Variants in SPIDR observed in about 807,000 individuals in gnomAD.
The protein encoded by SPIDR is scaffold protein involved in DNA repair.
A neutral mutation model predicts 104.6 loss-of-function variants in SPIDR; 93 were observed. The ratio of observed to expected loss-of-function variants is 0.89; its 90% confidence interval spans 0.75 to 1.06. SPIDR has a LOEUF of 1.06. Ranked by LOEUF, SPIDR falls within the 50% of genes least tolerant of loss-of-function variation. The probability of loss-of-function intolerance (pLI) is 0.00; values close to 1 mark genes in which losing one functional copy is unlikely to be tolerated. For synonymous variants in SPIDR, 431 were observed against 416.9 expected, an observed-to-expected ratio of 1.03 and a Z score of -0.41; for missense variants, 1,154 against 1,111.2, an observed-to-expected ratio of 1.04 and a Z score of -0.55.
At chr8:47,617,709 CA>C (rs895228370) in intron 10 of SPIDR, among the ~76,000 whole-genome samples, 2 of 152,080 alleles carry the variant, frequency 1.3e-5, no homozygotes, top group Non-Finnish European at 2.9e-5. Flanking sequence ...GTGGCATGTA[CA>C]AAAGAGAGAA....
chr8:47,548,825 T>C (rs192119835), intron 8 of SPIDR, among the ~76,000 whole-genome samples: 154 of 152,286 alleles, frequency 1.0e-3, no homozygotes, highest in South Asian at 6.9e-3. Flanking sequence ...AACGTGCAGG[T>C]TTGTTATATA....
intron 10 of SPIDR, among the ~76,000 whole-genome samples, chr8:47,624,036 C>T (rs2065588788): frequency 6.6e-6 from 1 of 152,196 alleles, no homozygotes; most frequent in Non-Finnish European, 1.5e-5. Context: ...AACAAACTGT[C>T]TCTCAGACCA....
chr8:47,595,245 T>G (rs1186951601), intron 8 of SPIDR, among the ~76,000 whole-genome samples: 1 of 152,226 alleles, frequency 6.6e-6, no homozygotes, highest in Admixed American at 6.5e-5. Flanking sequence ...CGCCATGTTT[T>G]AAGGAATAGG....
intron 5 of SPIDR, among the ~76,000 whole-genome samples, chr8:47,319,423 G>A (rs901559209): frequency 2.0e-5 from 3 of 152,050 alleles, no homozygotes; most frequent in Admixed American, 1.3e-4. Context: ...CACCCAATAC[G>A]GGAGCACCCA....
At chr8:47,668,257 T>G (rs2075266289) in intron 10 of SPIDR, among the ~76,000 whole-genome samples, 1 of 152,078 alleles carries the variant, frequency 6.6e-6, no homozygotes, top group Non-Finnish European at 1.5e-5. Context: ...AAAATAAAAT[T>G]AAAGACCAAT....
chr8:47,459,254 A>G (rs1376257416), intron 8 of SPIDR, among the ~76,000 whole-genome samples: 2 of 152,050 alleles, frequency 1.3e-5, no homozygotes, highest in Non-Finnish European at 2.9e-5. Context: ...TCAGCTGTGA[A>G]TCTGTCTGGT....
At chr8:47,400,680 T>TC (rs2061762189) in intron 6 of SPIDR, among the ~76,000 whole-genome samples, 2 of 147,234 alleles carry the variant, frequency 1.4e-5, no homozygotes, top group Admixed American at 6.9e-5. Context: ...TTTCTTTCTT[T>TC]TTTTTTTTTT....
chr8:47,426,021 G>T (rs1316706357), intron 7 of SPIDR, among the ~76,000 whole-genome samples: 4 of 151,198 alleles, frequency 2.6e-5, no homozygotes, highest in African/African-American at 7.3e-5. Flanking sequence ...GAGGCAGGCA[G>T]ATCACGAGGT....
In SPIDR at chr8:47,544,721, A is replaced by C. The variant is rs370646600; in HGVS notation, c.1098-51090A>C. ...TGTTTCTTTGTACCATCACACAGTC[A>C]TGACTACAGAAGCTGTATGTCTTGA... On this transcript the variant is annotated intron_variant, in intron 8 of 19. Transcript: ENST00000297423. Among the ~76,000 whole-genome samples, 8 of 152,358 alleles carry C rather than the reference A, an allele frequency of 5.3e-5. No homozygotes were observed. The South Asian group carries it at 1.0e-3, about 20-fold the overall frequency.
chr8:47,692,184 A>G (rs1406872204), intron 11 of SPIDR, among the ~76,000 whole-genome samples: 1 of 152,248 alleles, frequency 6.6e-6, no homozygotes, highest in Non-Finnish European at 1.5e-5. Context: ...TGTAATTTAC[A>G]TACTAAAAAT....
At chr8:47,316,691 G>T (rs1004488278) in intron 5 of SPIDR, among the ~76,000 whole-genome samples, 2 of 152,190 alleles carry the variant, frequency 1.3e-5, no homozygotes, top group Non-Finnish European at 2.9e-5. Flanking sequence ...GTCTTCGATA[G>T]TGGGGTGGGG....
intron 7 of SPIDR, among the ~76,000 whole-genome samples, chr8:47,415,924 A>G (rs894246594): frequency 6.6e-6 from 1 of 152,186 alleles, no homozygotes; most frequent in Non-Finnish European, 1.5e-5. Flanking sequence ...CTCCTCCCTG[A>G]TGCCTTGCAG....
At position 47,404,416 on chromosome 8, in the gene SPIDR, C is replaced by T. The variant is rs573439425; in HGVS notation, c.777-3445C>T. On this transcript the variant is annotated intron_variant, in intron 6 of 19. Coordinates refer to ENST00000297423, the MANE Select transcript of SPIDR (RefSeq NM_001080394.4). ...ACTACCATCAGAGTGAACAGGCAACCTACAAAATGGGAGAAAATTTTTGCA... is the reference window on the plus strand; with the variant it reads ...ACTACCATCAGAGTGAACAGGCAACTTACAAAATGGGAGAAAATTTTTGCA... Among the ~76,000 whole-genome samples, 203 of 152,264 alleles carry T rather than the reference C, an allele frequency of 1.3e-3. 3 individuals carry two copies. Among genetic ancestry groups the T allele is most frequent in the Non-Finnish European group, 2.2e-4 (15 of 68,018 alleles).
intron 8 of SPIDR, among the ~76,000 whole-genome samples, chr8:47,573,520 A>G (rs1191335504): frequency 6.6e-6 from 1 of 152,192 alleles, no homozygotes; most frequent in Non-Finnish European, 1.5e-5. Flanking sequence ...GTAGGGGGCA[A>G]CATGATGTCG....
intron 1 of SPIDR, among the ~76,000 whole-genome samples, chr8:47,268,377 G>A (rs2034534053): frequency 6.6e-6 from 1 of 152,038 alleles, no homozygotes. Flanking sequence ...AGCCATCTGG[G>A]ATTTTGATTT....
At position 47,504,066 on chromosome 8, in the gene SPIDR, C is replaced by T. The variant is rs897194270; in HGVS notation, c.1097+63524C>T. On this transcript the variant is annotated intron_variant, in intron 8 of 19. Transcript: ENST00000297423. ...CACCTTTCTCTCTGGGTGCTGTTAACGTTTTTTCCTCCATTTCAACCTTGG... is the reference window on the plus strand; with the variant it reads ...CACCTTTCTCTCTGGGTGCTGTTAATGTTTTTTCCTCCATTTCAACCTTGG... Among the ~76,000 whole-genome samples, 9 of 152,290 alleles carry T rather than the reference C, an allele frequency of 5.9e-5. No homozygotes were observed. The East Asian group carries it at 1.4e-3, about 23-fold the overall frequency.
At chr8:47,588,296 T>A (rs1052897745) in intron 8 of SPIDR, among the ~76,000 whole-genome samples, 1 of 150,486 alleles carries the variant, frequency 6.6e-6, no homozygotes, top group African/African-American at 2.4e-5. Context: ...TTTTGTGAGA[T>A]TCACACTGAC....
At chr8:47,434,567 G>A (rs1015641396) in intron 7 of SPIDR, among the ~76,000 whole-genome samples, 7 of 152,114 alleles carry the variant, frequency 4.6e-5, no homozygotes, top group African/African-American at 9.7e-5. Flanking sequence ...AACATTAGTG[G>A]CAACAATTAT....
At chr8:47,607,300 CTTAA>C (rs1331718660) in intron 10 of SPIDR, among the ~76,000 whole-genome samples, 1 of 152,088 alleles carries the variant, frequency 6.6e-6, no homozygotes, top group Non-Finnish European at 1.5e-5. Context: ...TAAATCATCC[CTTAA>C]TTAATTAGTT....
Sources: allele counts gnomAD v4.1 joint callset (sites outside exome capture counted in the v4.1 genomes callset), GRCh38; gene constraint gnomAD v4.1.1; transcripts MANE v1.5; gene names NCBI Gene and HGNC (gene_info 2026-07-23, HGNC 2026-07-21).